Variants in KLF13 observed in about 807,000 individuals in gnomAD.
KLF13 encodes KLF transcription factor 13.
Under a neutral mutation model 16.7 loss-of-function variants are expected in KLF13, and 8 were observed. The ratio of observed to expected loss-of-function variants is 0.48; its 90% CI spans 0.28 to 0.87. The LOEUF is 0.87. KLF13 is among the 40% of genes least tolerant of loss of function. The pLI, the probability that KLF13 is intolerant of heterozygous loss-of-function variation, is 0.10. For missense variants in KLF13, 447 were observed against 452.2 expected (o/e 0.99, Z 0.10); for synonymous variants, 245 against 208.4 (o/e 1.18, Z -1.51).
intron 2 of KLF13, among the ~76,000 whole-genome samples, chr15:31,402,564 T>A (rs2040052714): frequency 6.6e-6 from 1 of 152,352 alleles, no homozygotes; most frequent in South Asian, 2.1e-4. Flanking sequence ...GTGCAGGGTC[T>A]CGTGCTCAGG....
chr15:31,415,708 C>A (rs1435341386), intron 1 of KLF13, among the ~76,000 whole-genome samples: 1 of 152,130 alleles, frequency 6.6e-6, no homozygotes, highest in East Asian at 1.9e-4. Context: ...TAAATCAATA[C>A]TCTAACCTTT....
At chr15:31,336,694 C>G (rs532600831) in intron 1 of KLF13, among the ~76,000 whole-genome samples, 1 of 152,126 alleles carries the variant, frequency 6.6e-6, no homozygotes, top group Non-Finnish European at 1.5e-5. Flanking sequence ...GGAAATAGAG[C>G]GAAGGCGTAT....
rs766778932 is a variant in KLF13, at chr15:31,372,303, C to T, written c.*4C>T. On this transcript the variant is annotated 3_prime_UTR_variant, in exon 2 of 2. Transcript: ENST00000307145. ...CAGCCCGGCCAGCTCGCCCTGAGCC[C>T]GCCACAGCCATGAGCAGCCGCTCCC... 3.0e-5 allele frequency: 44 copies of T among 1,468,490 alleles called. No individual in the cohort carries two copies. Among genetic ancestry groups the T allele is most frequent in the Middle Eastern group, 4.1e-4 (2 of 4,830 alleles). 91.0% of individuals were successfully genotyped at this position (1,468,490 alleles called of 1,614,324 possible).
intron 1 of KLF13, among the ~76,000 whole-genome samples, chr15:31,338,114 G>C (rs947222357): frequency 3.9e-5 from 6 of 152,208 alleles, no homozygotes; most frequent in Admixed American, 6.5e-5. Context: ...GGGCTGGGTA[G>C]TACACTTCAG....
chr15:31,408,852 A>T (rs2040159010), downstream of KLF13, among the ~76,000 whole-genome samples: 1 of 152,200 alleles, frequency 6.6e-6, no homozygotes. Context: ...AACTGGTGAT[A>T]CTAGAAATGA....
chr15:31,371,513 C>CCCACTCATG, intron 1 of KLF13, among the ~76,000 whole-genome samples: 2 of 152,250 alleles, frequency 1.3e-5, no homozygotes, highest in Non-Finnish European at 2.9e-5. Context: ...ATGTGACAGA[C>CCCACTCATG]TAGACTGAGG....
chr15:31,425,189 G>A lies in KLF13; in HGVS notation n.118-10181G>A, dbSNP rs2141011984. On this transcript the variant is annotated intron_variant and non_coding_transcript_variant, in intron 1 of 1. Transcript: ENST00000558225. ...ACATTTATAGATTAGAAGACTCAAT[G>A]CTGTTAAATGTTCATACTACCCAAA... is the stretch of plus-strand genomic sequence containing the variant. 2.0e-5 allele frequency among the ~76,000 whole-genome samples: 3 copies of A among 152,228 alleles called. No individual in the cohort carries two copies. The East Asian group carries it at 5.8e-4, about 29-fold the overall frequency.
upstream of KLF13, among the ~76,000 whole-genome samples, chr15:31,392,341 T>C (rs564064373): frequency 1.7e-3 from 254 of 152,238 alleles, no homozygotes; most frequent in Non-Finnish European, 3.0e-3. Flanking sequence ...GAGACTGGGG[T>C]AGACGCCACC....
chr15:31,382,700 A>G (rs1272285855), downstream of KLF13, among the ~76,000 whole-genome samples: 1 of 152,188 alleles, frequency 6.6e-6, no homozygotes, highest in African/African-American at 2.4e-5. Flanking sequence ...GCCCAGTCCC[A>G]GGCACTGTGA....
At chr15:31,339,970 G>C in intron 1 of KLF13, 1 of 702,398 alleles carries the variant, frequency 1.4e-6, no homozygotes, top group Non-Finnish European at 2.6e-6. Context: ...AGAGTCACCT[G>C]CCCCATGGAG....
At position 31,420,482 on chromosome 15, in the gene KLF13, A is replaced by G. The variant is rs547397371; in HGVS notation, n.118-14888A>G. Reference sequence around the variant, plus strand: ...GGGTAACATATGCCTGGATATCTGGAAAGACAAGTCGTCTGTACTGTATGG... The same window carrying G: ...GGGTAACATATGCCTGGATATCTGGGAAGACAAGTCGTCTGTACTGTATGG... On this transcript the variant is annotated intron_variant and non_coding_transcript_variant, in intron 1 of 1. Transcript: ENST00000558225. 208 of 727,054 alleles carry G rather than the reference A, an allele frequency of 2.9e-4. 4 individuals are homozygous for G. The highest frequency in any genetic ancestry group is 2.7e-3 in the South Asian group (203 of 74,434). 45.0% of individuals were successfully genotyped at this position (727,054 alleles called of 1,614,324 possible).
chr15:31,363,069 G>A (rs1026591470), intron 1 of KLF13, among the ~76,000 whole-genome samples: 1 of 152,190 alleles, frequency 6.6e-6, no homozygotes, highest in African/African-American at 2.4e-5. Context: ...GGGTAAAAGG[G>A]TGTGCACATT....
intron 1 of KLF13, among the ~76,000 whole-genome samples, chr15:31,383,867 A>C (rs966356687): frequency 1.3e-5 from 2 of 152,162 alleles, no homozygotes; most frequent in Non-Finnish European, 2.9e-5. Flanking sequence ...ACGCCACTGC[A>C]CTCCAGCCTG....
At chr15:31,420,546 G>A in intron 1 of KLF13, 1 of 530,984 alleles carries the variant, frequency 1.9e-6, no homozygotes, top group Non-Finnish European at 3.5e-6. Flanking sequence ...AGCCTGCTAG[G>A]AGAACCCAAC....
downstream of KLF13, among the ~76,000 whole-genome samples, chr15:31,380,249 G>A (rs991193084): frequency 6.6e-6 from 1 of 152,172 alleles, no homozygotes; most frequent in African/African-American, 2.4e-5. Context: ...CCGAGATCAC[G>A]CAACTGCACT....
intron 1 of KLF13, among the ~76,000 whole-genome samples, chr15:31,409,807 C>T (rs989613317): frequency 2.0e-5 from 3 of 152,080 alleles, no homozygotes; most frequent in Non-Finnish European, 4.4e-5. Context: ...ATGAAGAAGA[C>T]ATACTTTCTC....
At chr15:31,434,436 C>A (rs1489857371) in intron 1 of KLF13, among the ~76,000 whole-genome samples, 2 of 152,142 alleles carry the variant, frequency 1.3e-5, no homozygotes, top group Non-Finnish European at 2.9e-5. Flanking sequence ...CAGTACCCCC[C>A]AAGGGAGGTT....
At chr15:31,332,249 C>G (rs145683744) in intron 1 of KLF13, among the ~76,000 whole-genome samples, 2 of 152,290 alleles carry the variant, frequency 1.3e-5, no homozygotes, top group African/African-American at 2.4e-5. Flanking sequence ...TGTTAGTCCC[C>G]GCTCTGAGGG....
rs1224549859 is a variant in KLF13, at chr15:31,327,017, G to A, written c.-196G>A. ...CCCATGCGCTCACTCTTCGGTGCCC[G>A]GCCGGGCCGGCGCCTCGCAGACGCG... On this transcript the variant is annotated 5_prime_UTR_variant, in exon 1 of 2. Coordinates refer to ENST00000307145, the MANE Select transcript of KLF13 (RefSeq NM_015995.4). The A allele has an allele frequency of 1.4e-5, 4 of 278,692 alleles. No homozygotes were observed. Among genetic ancestry groups the A allele is most frequent in the Non-Finnish European group, 2.3e-5 (4 of 177,346 alleles). 17.3% of individuals were successfully genotyped at this position (278,692 alleles called of 1,614,324 possible). A position where few individuals can be genotyped will look rare whatever the true frequency, so the allele number is the denominator to read the frequency against.
Sources: gnomAD v4.1 joint callset for allele counts (sites outside exome capture counted in the v4.1 genomes callset) on GRCh38, gnomAD v4.1.1 for gene constraint, MANE v1.5 for transcripts, NCBI Gene and HGNC (gene_info 2026-07-23, HGNC 2026-07-21) for gene names.